NUP153: variants seen among roughly 807,000 people sequenced by gnomAD.
NUP153 encodes nucleoporin 153, also known as nuclear pore complex protein Nup153.
NUP153 carries 27 observed loss-of-function variants against 134.6 expected under a neutral mutation model. That is an observed-to-expected ratio of 0.20 (90% CI 0.15 to 0.28). The LOEUF (loss-of-function observed/expected upper bound fraction) is 0.28, where lower values mean the gene tolerates loss of function less well. Ranked by LOEUF, NUP153 falls within the 10% of genes least tolerant of loss-of-function variation. The pLI is 1.00. For synonymous variants in NUP153, 640 were observed against 623.5 expected, an observed-to-expected ratio of 1.03 and a Z score of -0.40; for missense variants, 1,821 against 1,731.3, an observed-to-expected ratio of 1.05 and a Z score of -0.92.
rs149770475 is a variant in NUP153 at position 17,677,626 on chromosome 6, C to T, written c.335-1856G>A. Among the ~76,000 whole-genome samples the T allele has an allele frequency of 2.5e-3, 382 of 152,236 alleles. 5 individuals are homozygous for T. The highest frequency in any genetic ancestry group is 8.5e-3 in the African/African-American group (355 of 41,548). On this transcript the variant is annotated intron_variant, in intron 2 of 21. Transcript: ENST00000262077. ...GCATTCCCAACACTGCTTTCCTACC[C>T]ACCTTTCCTTTGGTTCAGATCTCCT...
chr6:17,700,885 A>G (rs1381381681), intron 1 of NUP153, among the ~76,000 whole-genome samples: 1 of 152,208 alleles, frequency 6.6e-6, no homozygotes, highest in East Asian at 1.9e-4. Context: ...GAAAAAGTTT[A>G]CTGACCCCTG....
At chr6:17,630,877 T>G (rs900908772) in intron 17 of NUP153, among the ~76,000 whole-genome samples, 1 of 151,984 alleles carries the variant, frequency 6.6e-6, no homozygotes, top group African/African-American at 2.4e-5. Context: ...TTCATAATGC[T>G]TTTCTGCAGC....
intron 5 of NUP153, among the ~76,000 whole-genome samples, chr6:17,673,646 CAG>C (rs1012372533): frequency 6.6e-6 from 1 of 152,074 alleles, no homozygotes; most frequent in African/African-American, 2.4e-5. Context: ...AAATCAAAAT[CAG>C]AAGTTGGGGT....
intron 17 of NUP153, among the ~76,000 whole-genome samples, chr6:17,631,010 A>G (rs1765225202): frequency 6.6e-6 from 1 of 152,184 alleles, no homozygotes; most frequent in Non-Finnish European, 1.5e-5. Context: ...TAAAAAGGGG[A>G]GCATGAATTA....
At chr6:17,621,535 T>G (rs764455717) in intron 20 of NUP153, among the ~76,000 whole-genome samples, 1 of 152,204 alleles carries the variant, frequency 6.6e-6, no homozygotes, top group Non-Finnish European at 1.5e-5. Context: ...GAAAATAACA[T>G]CTTGTCATTT....
At chr6:17,692,032 C>CTAAACGTATCAGAGATTCCTGT (rs1236513329) in intron 1 of NUP153, among the ~76,000 whole-genome samples, 1 of 152,154 alleles carries the variant, frequency 6.6e-6, no homozygotes, top group African/African-American at 2.4e-5. Flanking sequence ...TGTTTAGCTA[C>CTAAACGTATCAGAGATTCCTGT]TAAACGTATC....
chr6:17,673,428 CAAAA>C (rs1561894050), intron 5 of NUP153, among the ~76,000 whole-genome samples: 7 of 152,052 alleles, frequency 4.6e-5, no homozygotes, highest in African/African-American at 1.7e-4. Context: ...AAAATATTCG[CAAAA>C]CATATAACAA....
At chr6:17,621,847 C>G (rs973428061) in intron 20 of NUP153, among the ~76,000 whole-genome samples, 1 of 152,138 alleles carries the variant, frequency 6.6e-6, no homozygotes, top group Non-Finnish European at 1.5e-5. Context: ...GTTCCCAACA[C>G]AAAGAAATGA....
At chr6:17,704,089 G>GCCCAGGCTGGAGTGCAGGGGCA (rs1770303095) in intron 1 of NUP153, among the ~76,000 whole-genome samples, 1 of 152,174 alleles carries the variant, frequency 6.6e-6, no homozygotes, top group Non-Finnish European at 1.5e-5. Flanking sequence ...TCAGGAGATC[G>GCCCAGGCTGGAGTGCAGGGGCA]AGATCGTCCT....
rs561454312 is a variant in NUP153 at position 17,689,693 on chromosome 6, T to A, written c.112-1075A>T. ...CTGGGATTACACCACACCCAGCTAA[T>A]TTTGTATTTTTAGTAGAGACGGGGT... On this transcript the variant is annotated intron_variant, in intron 1 of 21. Transcript: ENST00000262077. Among the ~76,000 whole-genome samples, 3 of 151,834 alleles carry A rather than the reference T, an allele frequency of 2.0e-5. No homozygotes were observed. The South Asian group carries it at 6.3e-4, about 32-fold the overall frequency.
chr6:17,694,901 C>T (rs753829200), intron 1 of NUP153, among the ~76,000 whole-genome samples: 1 of 151,936 alleles, frequency 6.6e-6, no homozygotes, highest in Admixed American at 6.6e-5. Flanking sequence ...ATCGCTTGAA[C>T]CCAGGACGCA....
chr6:17,689,389 AAAAAC>A (rs961867533), intron 1 of NUP153, among the ~76,000 whole-genome samples: 7 of 151,722 alleles, frequency 4.6e-5, no homozygotes, highest in South Asian at 2.1e-4. Flanking sequence ...CTCCATCTCA[AAAAAC>A]AAAACAAAAC....
chr6:17,621,332 G>T (rs566140191), intron 20 of NUP153, among the ~76,000 whole-genome samples: 1 of 152,220 alleles, frequency 6.6e-6, no homozygotes, highest in South Asian at 2.1e-4. Flanking sequence ...ATCACCTTAT[G>T]ATCCAGCAAT....
chr6:17,670,733 A>T (rs1379549484), intron 5 of NUP153, among the ~76,000 whole-genome samples: 2 of 151,306 alleles, frequency 1.3e-5, no homozygotes, highest in East Asian at 2.1e-4. Flanking sequence ...TTGGATTTTT[A>T]AAAAATATTT....
chr6:17,633,164 C>T (rs999130192), intron 16 of NUP153, among the ~76,000 whole-genome samples: 10 of 152,164 alleles, frequency 6.6e-5, no homozygotes, highest in Admixed American at 5.2e-4. Context: ...AAATCATGCT[C>T]GCAAATTAGG....
intron 8 of NUP153, among the ~76,000 whole-genome samples, chr6:17,666,054 G>C (rs151069864): frequency 6.6e-6 from 1 of 151,382 alleles, no homozygotes; most frequent in Non-Finnish European, 1.5e-5. Flanking sequence ...CAAACTTCTG[G>C]GCTCAAGCAA....
At chr6:17,669,394 T>C in intron 6 of NUP153, 36 bp downstream of exon 6, 1 of 1,594,680 alleles carries the variant, frequency 6.3e-7, no homozygotes, top group Non-Finnish European at 8.6e-7. Flanking sequence ...CAAGTTTTGT[T>C]ACACTCCTGT....
At chr6:17,668,844 A>C in intron 8 of NUP153, 131 bp downstream of exon 8, 1 of 586,844 alleles carries the variant, frequency 1.7e-6, no homozygotes, top group Non-Finnish European at 2.8e-6. Context: ...CTGAGACTCA[A>C]AAAAAAAAAG....
At chr6:17,632,568 C>T in intron 17 of NUP153, 82 bp downstream of exon 17, 1 of 956,558 alleles carries the variant, frequency 1.0e-6, no homozygotes, top group Non-Finnish European at 1.6e-6. Flanking sequence ...AACACTGAAG[C>T]TGTTCTCAAA....
Sources: gnomAD v4.1 joint callset for allele counts (sites outside exome capture counted in the v4.1 genomes callset) on GRCh38, gnomAD v4.1.1 for gene constraint, MANE v1.5 for transcripts, NCBI Gene and HGNC (gene_info 2026-07-23, HGNC 2026-07-21) for gene names.